The following PIEZO2 variants were observed in gnomAD, a reference collection of about 807,000 sequenced individuals.
PIEZO2 encodes the protein piezo-type mechanosensitive ion channel component 2.
Under a neutral mutation model 337.3 loss-of-function variants are expected in PIEZO2, and 172 were observed. The ratio of observed to expected loss-of-function variants is 0.51; its 90% CI spans 0.45 to 0.58. PIEZO2 has a LOEUF of 0.58. PIEZO2 is among the 20% of genes least tolerant of loss of function. The pLI is 0.00. For synonymous variants in PIEZO2, 1,251 were observed against 1,228.5 expected, an observed-to-expected ratio of 1.02 and a Z score of -0.38; for missense variants, 3,028 against 3,391.3, an observed-to-expected ratio of 0.89 and a Z score of 2.66.
In PIEZO2 at chr18:11,028,216, CTTCT is replaced by C. The variant is rs1256724477; in HGVS notation, c.160+37907_160+37910del. ...GAAGCTAGGCTTTTCTGTACATCGCCTTCTTTCTTTTCTTTTCTTTTCTTCTTCT... is the reference window on the plus strand; with the variant it reads ...GAAGCTAGGCTTTTCTGTACATCGCCTTCTTTTCTTTTCTTTTCTTCTTCT... On this transcript the variant is annotated intron_variant, in intron 2 of 55. Transcript: ENST00000674853. This position sits in a 1 kb window ranked among gnomAD's most constrained non-coding sequence, Gnocchi z 4.8. Among the ~76,000 whole-genome samples the C allele has an allele frequency of 1.3e-5, 2 of 152,122 alleles. No individual in the cohort carries two copies. The highest frequency in any genetic ancestry group is 4.8e-5 in the African/African-American group (2 of 41,436).
Position 10,726,995 on chromosome 18 carries a change from A to C in PIEZO2, c.5029+4412T>G. 4 of 1,037,904 alleles carry C rather than the reference A, an allele frequency of 3.9e-6. No individual in the cohort carries two copies. Among genetic ancestry groups the C allele is most frequent in the South Asian group, 1.7e-5 (1 of 59,376 alleles). The allele number at this position is 1,037,904 out of a possible 1,614,324, so 64.3% of individuals were successfully genotyped here. On this transcript the variant is annotated intron_variant, in intron 36 of 55. Transcript: ENST00000674853. The surrounding 1 kb of genome is among the most constrained non-coding windows in gnomAD (Gnocchi z 5.9). ...GGACAGAAGCTCCAGATAGGCCCCC[A>C]GAACATGAAGCTGTTTGCTCTGTGC...
intron 28 of PIEZO2, among the ~76,000 whole-genome samples, chr18:10,752,265 C>T: frequency 6.6e-6 from 1 of 152,180 alleles, no homozygotes; most frequent in East Asian, 1.9e-4. Flanking sequence ...CATAATACAG[C>T]TTTTGAAAAG....
chr18:10,801,554 A>T, intron 9 of PIEZO2, 126 bp from the exon 10 acceptor site: 1 of 794,676 alleles, frequency 1.3e-6, no homozygotes, highest in South Asian at 1.7e-5. Context: ...TAGTATATTA[A>T]TATTGCCATG....
chr18:10,720,338 C>A (rs564588332), intron 36 of PIEZO2, among the ~76,000 whole-genome samples: 9 of 120,826 alleles, frequency 7.4e-5, no homozygotes, highest in East Asian at 2.3e-4. Flanking sequence ...ATATATATAT[C>A]TCATATATAT....
At chr18:10,920,719 G>T (rs1476815194) in intron 3 of PIEZO2, among the ~76,000 whole-genome samples, 1 of 152,132 alleles carries the variant, frequency 6.6e-6, no homozygotes, top group Non-Finnish European at 1.5e-5. Context: ...TTAAAAAGCA[G>T]ATCAAGAAAG....
chr18:10,789,451 G>A, intron 14 of PIEZO2, 86 bp from the exon 15 acceptor site: 1 of 1,381,606 alleles, frequency 7.2e-7, no homozygotes, highest in Non-Finnish European at 9.5e-7. Context: ...AGGATGTAGA[G>A]GCATGCATTT....
intron 3 of PIEZO2, among the ~76,000 whole-genome samples, chr18:10,921,647 T>C (rs1471050273): frequency 6.6e-6 from 1 of 152,114 alleles, no homozygotes; most frequent in East Asian, 1.9e-4. Context: ...AAGAGCAGGA[T>C]AACAGCAATT....
intron 3 of PIEZO2, among the ~76,000 whole-genome samples, chr18:10,947,276 T>C (rs1022534312): frequency 6.6e-6 from 1 of 152,166 alleles, no homozygotes; most frequent in African/African-American, 2.4e-5. Flanking sequence ...AATGATGCAT[T>C]ACGTCTAAGG....
rs2040604490 is a variant in PIEZO2, at chr18:10,824,254, TG to T, written c.918-16981del. 6.6e-6 allele frequency among the ~76,000 whole-genome samples: 1 copy of T among 152,146 alleles called. No homozygotes were observed. The highest frequency in any genetic ancestry group is 1.5e-5 in the Non-Finnish European group (1 of 68,010). ...TAGCAAGAGACAAGTCTCCATAGTC[TG>T]TGGGAAAAAATGTATTTAAAATAAA... On this transcript the variant is annotated intron_variant, in intron 7 of 55. Transcript: ENST00000674853. The surrounding 1 kb of genome is among the most constrained non-coding windows in gnomAD (Gnocchi z 4.4).
intron 3 of PIEZO2, among the ~76,000 whole-genome samples, chr18:10,935,238 C>T (rs1381609935): frequency 2.6e-5 from 4 of 152,036 alleles, no homozygotes; most frequent in Non-Finnish European, 1.5e-5. Context: ...AAATGTTCTC[C>T]GCGATGCCAC....
chr18:10,704,599 G>A lies in PIEZO2; in HGVS notation c.6053C>T (p.Pro2018Leu). The A allele has an allele frequency of 6.5e-7, 1 of 1,537,258 alleles. No homozygotes were observed. Among genetic ancestry groups the A allele is most frequent in the Non-Finnish European group, 8.7e-7 (1 of 1,146,900 alleles). The change falls in exon 42 of 56, where the codon CCC becomes CTC. Residue 2018 changes from proline to leucine, a missense_variant. Physicochemically the swap from Pro to Leu is moderately conservative, Grantham distance 98 (BLOSUM62 -3). Coordinates refer to ENST00000674853, the MANE Select transcript of PIEZO2 (RefSeq NM_001378183.1). ...EESEKFYVGQ[P>L]RFLLLFYAMY... ...GGCATAGAAGAGCAGCAGAAATCGG[G>A]GCTGCCCCACGTAGAATTTCTCTGA...
intron 4 of PIEZO2, among the ~76,000 whole-genome samples, chr18:10,889,750 AG>A (rs1338082659): frequency 1.3e-5 from 2 of 152,196 alleles, no homozygotes; most frequent in African/African-American, 4.8e-5. Flanking sequence ...GGTGTCAGGT[AG>A]GGTCCCTCAT....
chr18:10,979,677 G>T lies in PIEZO2; in HGVS notation c.161-17C>A, dbSNP rs1233989719. The T allele has an allele frequency of 6.6e-7, 1 of 1,521,588 alleles. No homozygotes were observed. Among genetic ancestry groups the T allele is most frequent in the South Asian group, 1.2e-5 (1 of 81,850 alleles). The allele number at this position is 1,521,588 out of a possible 1,614,324, so 94.3% of individuals were successfully genotyped here. A position where few individuals can be genotyped will look rare whatever the true frequency, so the allele number is the denominator to read the frequency against. On this transcript the variant is annotated splice_polypyrimidine_tract_variant and intron_variant, in intron 2 of 55. Coordinates refer to ENST00000674853, the MANE Select transcript of PIEZO2 (RefSeq NM_001378183.1). This position sits in a 1 kb window ranked among gnomAD's most constrained non-coding sequence, Gnocchi z 4.0. ...CCGTATGTCCTAAGGGATAAAAAGT[G>T]CAGAGATTGTGAGAGAGCTTAAGAT...
In PIEZO2 at chr18:11,033,942, A is replaced by T. The variant is rs1358477735; in HGVS notation, c.160+32185T>A. ...TATAACTTTAATACCTGAAAAACTT[A>T]TACGAGCTAATGTTGTGCTGATTTG... is the stretch of plus-strand genomic sequence containing the variant. On this transcript the variant is annotated intron_variant, in intron 2 of 55. Transcript: ENST00000674853. The surrounding 1 kb of genome is among the most constrained non-coding windows in gnomAD (Gnocchi z 4.2). 6.6e-6 allele frequency among the ~76,000 whole-genome samples: 1 copy of T among 152,126 alleles called. No individual in the cohort carries two copies. Among genetic ancestry groups the T allele is most frequent in the African/African-American group, 2.4e-5 (1 of 41,428 alleles).
At chr18:10,810,223 A>C (rs1362331597) in intron 7 of PIEZO2, among the ~76,000 whole-genome samples, 1 of 152,186 alleles carries the variant, frequency 6.6e-6, no homozygotes, top group Non-Finnish European at 1.5e-5. Context: ...TTAAATACTT[A>C]AGAACTCACA....
chr18:10,865,586 G>C (rs1314872574), intron 5 of PIEZO2, among the ~76,000 whole-genome samples: 1 of 152,178 alleles, frequency 6.6e-6, no homozygotes, highest in Non-Finnish European at 1.5e-5. Context: ...TATTAACCTT[G>C]ATGGGTAAGT....
intron 18 of PIEZO2, among the ~76,000 whole-genome samples, chr18:10,778,084 A>T (rs1243833113): frequency 6.6e-6 from 1 of 152,210 alleles, no homozygotes; most frequent in African/African-American, 2.4e-5. Flanking sequence ...TCTTAAGTTG[A>T]ATTGTAGGTA....
At chr18:11,144,807 G>T (rs2040765012) in intron 1 of PIEZO2, among the ~76,000 whole-genome samples, 1 of 152,076 alleles carries the variant, frequency 6.6e-6, no homozygotes, top group Non-Finnish European at 1.5e-5. Flanking sequence ...CTAATCCCCT[G>T]TTCCCCCAAG....
chr18:10,693,321 C>T (rs559027404), intron 47 of PIEZO2, among the ~76,000 whole-genome samples: 12 of 150,692 alleles, frequency 8.0e-5, no homozygotes, highest in Admixed American at 2.7e-4. Flanking sequence ...TCATATCTGC[C>T]GCATGGTTTT....
Sources: allele counts gnomAD v4.1 joint callset (sites outside exome capture counted in the v4.1 genomes callset), GRCh38; gene constraint gnomAD v4.1.1; non-coding constraint Gnocchi (gnomAD v3.1); transcripts MANE v1.5; gene names NCBI Gene and HGNC (gene_info 2026-07-23, HGNC 2026-07-21).